The following ADARB1 variants were observed in gnomAD, a reference collection of about 807,000 sequenced individuals.
ADARB1 encodes double-stranded RNA-specific editase 1.
ADARB1 carries 10 observed loss-of-function variants against 52.4 expected under a neutral mutation model. That is an observed-to-expected ratio of 0.19 (90% CI 0.12 to 0.32). ADARB1 has a LOEUF of 0.32. Ranked by LOEUF, ADARB1 falls within the 10% of genes least tolerant of loss-of-function variation. The probability of loss-of-function intolerance (pLI) is 1.00; values close to 1 mark genes in which losing one functional copy is unlikely to be tolerated. For missense variants in ADARB1, 643 were observed against 922.3 expected (o/e 0.70, Z 3.92); for synonymous variants, 349 against 371.1 (o/e 0.94, Z 0.68).
At chr21:45,122,255 A>C (rs2088240910) in intron 1 of ADARB1, among the ~76,000 whole-genome samples, 1 of 152,236 alleles carries the variant, frequency 6.6e-6, no homozygotes. Flanking sequence ...TATAATGATA[A>C]ATATCACTTT....
Position 45,222,680 on chromosome 21 carries a change from G to A in ADARB1, c.*483G>A. On this transcript the variant is annotated 3_prime_UTR_variant, in exon 11 of 11. Transcript: ENST00000348831. ...AAAAAGCATCTATATATGGAGGAGGGTGGGAAAATAGAGGTAGGAAATAGT... is the reference window on the plus strand; with the variant it reads ...AAAAAGCATCTATATATGGAGGAGGATGGGAAAATAGAGGTAGGAAATAGT... 1 of 986,832 alleles carries A rather than the reference G, an allele frequency of 1.0e-6. No homozygotes were observed. The highest frequency in any genetic ancestry group is 1.2e-6 in the Non-Finnish European group (1 of 830,978). The allele number at this position is 986,832 out of a possible 1,614,324, so 61.1% of individuals were successfully genotyped here.
chr21:45,094,585 G>A (rs920032061), intron 1 of ADARB1, among the ~76,000 whole-genome samples: 1 of 152,104 alleles, frequency 6.6e-6, no homozygotes, highest in African/African-American at 2.4e-5. Context: ...ATGTCTGCTT[G>A]TGTTTCTGCT....
In ADARB1 at chr21:45,198,494, A is replaced by ACACAC. The variant is rs1162665743; in HGVS notation, c.1566-6061_1566-6060insCACAC. On this transcript the variant is annotated intron_variant, in intron 8 of 10. Coordinates refer to ENST00000348831, the MANE Select transcript of ADARB1 (RefSeq NM_001112.4). ...GGAATAGAACTCTGCCTATTAAATT[A>ACACAC]AATCACACACACACACACACACACA... Among the ~76,000 whole-genome samples, 11 of 145,900 alleles carry ACACAC rather than the reference A, an allele frequency of 7.5e-5. 1 individual carries two copies. The South Asian group carries it at 8.7e-4, about 12-fold the overall frequency.
chr21:45,102,033 C>T (rs146192846), intron 1 of ADARB1, among the ~76,000 whole-genome samples: 1 of 152,282 alleles, frequency 6.6e-6, no homozygotes, highest in Non-Finnish European at 1.5e-5. Context: ...TGTGGGGCTA[C>T]AGGCGCACTA....
At chr21:45,206,315 G>T (rs955694467) in intron 9 of ADARB1, among the ~76,000 whole-genome samples, 1 of 152,142 alleles carries the variant, frequency 6.6e-6, no homozygotes, top group Non-Finnish European at 1.5e-5. Flanking sequence ...GTTGAATAGC[G>T]CTGTCTAAGC....
At chr21:45,192,362 A>G (rs756511724) in intron 8 of ADARB1, among the ~76,000 whole-genome samples, 7 of 152,196 alleles carry the variant, frequency 4.6e-5, no homozygotes, top group Admixed American at 6.5e-5. Flanking sequence ...TCTCATCTAA[A>G]ATCCTCTCCA....
intron 2 of ADARB1, among the ~76,000 whole-genome samples, chr21:45,139,407 C>T (rs2145886609): frequency 6.6e-6 from 1 of 152,244 alleles, no homozygotes; most frequent in South Asian, 2.1e-4. Flanking sequence ...TTCTCTTTTT[C>T]CTGATTTCCT....
At chr21:45,155,542 A>G (rs915506798) in intron 2 of ADARB1, among the ~76,000 whole-genome samples, 2 of 151,924 alleles carry the variant, frequency 1.3e-5, no homozygotes, top group Admixed American at 1.3e-4. Context: ...CCGTCAACCT[A>G]TCATCCATCT....
intron 1 of ADARB1, among the ~76,000 whole-genome samples, chr21:45,084,048 A>G (rs1044584513): frequency 6.6e-6 from 1 of 152,194 alleles, no homozygotes; most frequent in Admixed American, 6.5e-5. Context: ...CAAACAGGAA[A>G]GTGTCCCAGA....
At chr21:45,096,680 A>T (rs548979841) in intron 1 of ADARB1, among the ~76,000 whole-genome samples, 1 of 152,242 alleles carries the variant, frequency 6.6e-6, no homozygotes, top group African/African-American at 2.4e-5. Flanking sequence ...ATTGTCACCC[A>T]GAAGTGCTCC....
chr21:45,094,537 G>T (rs1228588759), intron 1 of ADARB1, among the ~76,000 whole-genome samples: 3 of 152,172 alleles, frequency 2.0e-5, no homozygotes, highest in Non-Finnish European at 4.4e-5. Context: ...CGCCAGATCA[G>T]GGAACATCCT....
chr21:45,115,652 T>A (rs1173298520), intron 1 of ADARB1, among the ~76,000 whole-genome samples: 1 of 152,278 alleles, frequency 6.6e-6, no homozygotes, highest in East Asian at 1.9e-4. Context: ...ACATGTTTAC[T>A]ATTTAAACTT....
At chr21:45,178,175 G>A (rs964826202) in intron 4 of ADARB1, among the ~76,000 whole-genome samples, 1 of 152,222 alleles carries the variant, frequency 6.6e-6, no homozygotes, top group Non-Finnish European at 1.5e-5. Flanking sequence ...AGCACCTTAG[G>A]CGGACGCAGA....
intron 9 of ADARB1, among the ~76,000 whole-genome samples, chr21:45,211,956 C>T (rs764685584): frequency 3.9e-5 from 6 of 152,148 alleles, no homozygotes; most frequent in Non-Finnish European, 4.4e-5. Context: ...ATTGGAAGCT[C>T]GGGCTATTTT....
At chr21:45,182,477 GC>G (rs1171335068) in intron 5 of ADARB1, 107 bp from the exon 6 acceptor site, 3 of 1,218,760 alleles carry the variant, frequency 2.5e-6, no homozygotes, top group African/African-American at 1.6e-5. Context: ...AAGTCTGTTG[GC>G]CCCTGAAAAG....
intron 4 of ADARB1, among the ~76,000 whole-genome samples, chr21:45,178,768 A>G (rs970805075): frequency 6.6e-6 from 1 of 152,024 alleles, no homozygotes; most frequent in African/African-American, 2.4e-5. Flanking sequence ...TTTTGTTCTT[A>G]TATCTGTCCC....
At chr21:45,121,392 T>A (rs575501160) in intron 1 of ADARB1, among the ~76,000 whole-genome samples, 1 of 152,360 alleles carries the variant, frequency 6.6e-6, no homozygotes, top group East Asian at 1.9e-4. Context: ...CTTTCCCGTC[T>A]GCACATTGAA....
chr21:45,209,480 G>A (rs1374762366), intron 9 of ADARB1, among the ~76,000 whole-genome samples: 1 of 152,172 alleles, frequency 6.6e-6, no homozygotes, highest in Non-Finnish European at 1.5e-5. Flanking sequence ...TGTGTGGGTG[G>A]GGCCCTGGAT....
chr21:45,182,284 A>G (rs1488397187), intron 5 of ADARB1, among the ~76,000 whole-genome samples: 1 of 152,212 alleles, frequency 6.6e-6, no homozygotes, highest in East Asian at 1.9e-4. Context: ...CATTCAAGAA[A>G]AGATGCTATT....
Sources: allele counts gnomAD v4.1 joint callset (sites outside exome capture counted in the v4.1 genomes callset), GRCh38; gene constraint gnomAD v4.1.1; transcripts MANE v1.5; gene names NCBI Gene and HGNC (gene_info 2026-07-23, HGNC 2026-07-21).